DLG5: variants seen among roughly 807,000 people sequenced by gnomAD.
The protein encoded by DLG5 is disks large homolog 5.
A neutral mutation model predicts 189.8 loss-of-function variants in DLG5; 48 were observed. The ratio of observed to expected loss-of-function variants is 0.25; its 90% confidence interval spans 0.20 to 0.32. DLG5 has a LOEUF of 0.32. Among genes scored for constraint, DLG5 ranks in the 10% least tolerant of loss-of-function variants. The pLI, the probability that DLG5 is intolerant of heterozygous loss-of-function variation, is 1.00. For missense variants in DLG5, 2,160 were observed against 2,544.7 expected (o/e 0.85, Z 3.25); for synonymous variants, 1,016 against 1,054.1 (o/e 0.96, Z 0.70).
rs1027473660 is a variant in DLG5 at position 77,843,674 on chromosome 10, G to A, written c.897C>T (p.Leu299=). ...CCATGGCCGTGTCATACAGTTTGTT[G>A]AGAATCTCGGATGACCCGTTGTGCT... The part of the protein sequence containing the change: ...VLKHNGSSEI[L]NKLYDTAMDK... The change falls in exon 6 of 32, where the codon CTC becomes CTT. Residue 299 remains leucine, a synonymous_variant. Transcript: ENST00000372391. The A allele has an allele frequency of 6.2e-7, 1 of 1,613,888 alleles. No individual in the cohort carries two copies. Among genetic ancestry groups the A allele is most frequent in the Non-Finnish European group, 8.5e-7 (1 of 1,180,024 alleles).
chr10:77,801,376 G>A (rs971787984), intron 27 of DLG5, among the ~76,000 whole-genome samples: 3 of 152,124 alleles, frequency 2.0e-5, no homozygotes, highest in East Asian at 3.9e-4. Context: ...GGAAAAAAGA[G>A]TAGAAAACAA....
At chr10:77,902,863 AAAT>A (rs1845969007) in intron 1 of DLG5, among the ~76,000 whole-genome samples, 1 of 102,084 alleles carries the variant, frequency 9.8e-6, no homozygotes, top group African/African-American at 7.0e-5. Flanking sequence ...CCATCTCAAA[AAAT>A]AAATAAAAAA....
chr10:77,810,279 A>G (rs1013698354), intron 23 of DLG5, among the ~76,000 whole-genome samples: 3 of 152,198 alleles, frequency 2.0e-5, no homozygotes, highest in African/African-American at 7.2e-5. Context: ...ATGGAAACAG[A>G]TACAGGGGGC....
At chr10:77,827,850 AAAC>A (rs1842715444) in intron 13 of DLG5, among the ~76,000 whole-genome samples, 1 of 152,212 alleles carries the variant, frequency 6.6e-6, no homozygotes, top group Admixed American at 6.5e-5. Flanking sequence ...TAAATAAGCA[AAAC>A]AACACCAAGA....
At chr10:77,843,985 T>C (rs971436068) in intron 5 of DLG5, among the ~76,000 whole-genome samples, 1 of 152,198 alleles carries the variant, frequency 6.6e-6, no homozygotes, top group Admixed American at 6.5e-5. Flanking sequence ...TAGAAAGGCC[T>C]GCTTGCAAGG....
chr10:77,823,043 A>AT (rs1842445844), intron 14 of DLG5, among the ~76,000 whole-genome samples: 2 of 152,234 alleles, frequency 1.3e-5, no homozygotes, highest in African/African-American at 4.8e-5. Flanking sequence ...ACTGAACCTT[A>AT]ATGTAAACTA....
intron 26 of DLG5, among the ~76,000 whole-genome samples, chr10:77,806,515 C>T (rs1841479840): frequency 6.6e-6 from 1 of 152,216 alleles, no homozygotes; most frequent in South Asian, 2.1e-4. Context: ...TCCATAAATC[C>T]ATTTTTCTAA....
intron 1 of DLG5, among the ~76,000 whole-genome samples, chr10:77,871,410 T>C (rs1195198837): frequency 6.6e-6 from 1 of 152,154 alleles, no homozygotes; most frequent in Non-Finnish European, 1.5e-5. Flanking sequence ...TAAAATTCTA[T>C]GATCCTGCTA....
chr10:77,809,292 G>C (rs1841636738), intron 24 of DLG5, among the ~76,000 whole-genome samples: 1 of 152,038 alleles, frequency 6.6e-6, no homozygotes, highest in South Asian at 2.1e-4. Flanking sequence ...TGTAGTCCCA[G>C]CTACTCGGAA....
intron 1 of DLG5, among the ~76,000 whole-genome samples, chr10:77,918,000 A>G (rs1846417690): frequency 6.6e-6 from 1 of 151,928 alleles, no homozygotes; most frequent in Non-Finnish European, 1.5e-5. Flanking sequence ...CCTGGGCAAC[A>G]AGAGCAAAAC....
At chr10:77,908,756 G>A (rs1474420026) in intron 1 of DLG5, among the ~76,000 whole-genome samples, 16 of 151,788 alleles carry the variant, frequency 1.1e-4, no homozygotes, top group Non-Finnish European at 1.9e-4. Flanking sequence ...ATACCCACTT[G>A]TTCAAGTTTT....
At position 77,833,954 on chromosome 10, in the gene DLG5, T is replaced by C. The variant is rs1254497384; in HGVS notation, c.1708A>G (p.Lys570Glu). ...TCGCGGCTGACATCATTCTTCTGCT[T>C]GCGGGTGTCATCCAGGCTGCGCAGG... ...EALRSLDDTR[K>E]QKNDVSRELK... Residue 570 changes from lysine (K) to glutamate (E), a missense_variant, in exon 9 of 32, where the codon AAG (lysine) becomes GAG (glutamate). Coordinates refer to ENST00000372391, the MANE Select transcript of DLG5 (RefSeq NM_004747.4). The C allele has an allele frequency of 4.4e-6, 7 of 1,606,932 alleles. No homozygotes were observed. The East Asian group carries it at 1.6e-4, about 36-fold the overall frequency.
the DLG5 span, among the ~76,000 whole-genome samples, chr10:77,932,378 A>T: frequency 6.6e-6 from 1 of 152,228 alleles, no homozygotes. Context: ...TAGGTGCTCA[A>T]TAGATAGTAT....
intron 5 of DLG5, among the ~76,000 whole-genome samples, chr10:77,846,876 G>A (rs948224445): frequency 6.6e-6 from 1 of 152,096 alleles, no homozygotes. Context: ...GCGGCTTCCC[G>A]CCTTCCCAGC....
chr10:77,901,439 C>T (rs1388501267), intron 1 of DLG5, among the ~76,000 whole-genome samples: 1 of 152,220 alleles, frequency 6.6e-6, no homozygotes, highest in African/African-American at 2.4e-5. Flanking sequence ...TACCCCTTGG[C>T]TGGGTGCACC....
intron 1 of DLG5, among the ~76,000 whole-genome samples, chr10:77,895,695 A>C (rs1186268424): frequency 6.6e-6 from 1 of 152,212 alleles, no homozygotes; most frequent in Non-Finnish European, 1.5e-5. Flanking sequence ...CAAGAATTCT[A>C]AGGCTATCCT....
chr10:77,828,535 G>T (rs1842753475), intron 13 of DLG5, among the ~76,000 whole-genome samples: 1 of 150,110 alleles, frequency 6.7e-6, no homozygotes, highest in Non-Finnish European at 1.5e-5. Context: ...TCTACAGGTG[G>T]TACCAAAGCA....
At chr10:77,936,490 C>T in the DLG5 span, among the ~76,000 whole-genome samples, 1 of 150,398 alleles carries the variant, frequency 6.6e-6, no homozygotes, top group East Asian at 1.9e-4. Context: ...AGGCCCAGAC[C>T]TAGTCATGAA....
Position 77,841,898 on chromosome 10 carries a change from TCTC to T in DLG5, c.1417_1419del (p.Glu473del). On this transcript the variant is annotated inframe_deletion, in exon 7 of 32. Transcript: ENST00000372391. Reference sequence around the variant, plus strand: ...CCACCTACCTGCCGCAGCGCCTCCATCTCCTCATTGGCCGCCTTCTTCTCAGAT... The same window carrying T: ...CCACCTACCTGCCGCAGCGCCTCCATCTCATTGGCCGCCTTCTTCTCAGAT... The T allele has an allele frequency of 6.2e-7, 1 of 1,609,282 alleles. No homozygotes were observed. The highest frequency in any genetic ancestry group is 8.5e-7 in the Non-Finnish European group (1 of 1,176,336).
Sources: allele counts gnomAD v4.1 joint callset (sites outside exome capture counted in the v4.1 genomes callset), GRCh38; gene constraint gnomAD v4.1.1; transcripts MANE v1.5; gene names NCBI Gene and HGNC (gene_info 2026-07-23, HGNC 2026-07-21).